The following LYRM4 variants were observed in gnomAD, a reference collection of about 807,000 sequenced individuals.
The protein encoded by LYRM4 is LYR motif-containing protein 4.
A neutral mutation model predicts 11.7 loss-of-function variants in LYRM4; 9 were observed. That is an observed-to-expected ratio of 0.77 (90% CI 0.46 to 1.34). LYRM4 has a LOEUF of 1.34. Ranked by LOEUF, LYRM4 falls within the 40% of genes most tolerant of loss-of-function variation. The pLI, the probability that LYRM4 is intolerant of heterozygous loss-of-function variation, is 0.00. For synonymous variants in LYRM4, 42 were observed against 40.4 expected (o/e 1.04, Z -0.15); for missense variants, 133 against 112.5 (o/e 1.18, Z -0.82).
At chr6:5,224,828 T>C (rs1762782533) in intron 1 of LYRM4, among the ~76,000 whole-genome samples, 1 of 150,562 alleles carries the variant, frequency 6.6e-6, no homozygotes, top group African/African-American at 2.5e-5. Flanking sequence ...GGCATGGTGA[T>C]GCATGCCTGT....
At chr6:5,245,113 A>C (rs2753225) in intron 1 of LYRM4, among the ~76,000 whole-genome samples, 2 of 24,130 alleles carry the variant, frequency 8.3e-5, no homozygotes, top group African/African-American at 1.9e-4. Flanking sequence ...AAAAAAAAAA[A>C]ATATATATAT....
the LYRM4 span, among the ~76,000 whole-genome samples, chr6:5,091,223 C>T: frequency 6.6e-6 from 1 of 152,254 alleles, no homozygotes; most frequent in Non-Finnish European, 1.5e-5. Flanking sequence ...GGGCTGGGAA[C>T]AGCTGACAAT....
the LYRM4 span, among the ~76,000 whole-genome samples, chr6:5,083,252 T>A: frequency 1.3e-5 from 2 of 152,244 alleles, no homozygotes; most frequent in South Asian, 4.1e-4. Flanking sequence ...TGAAGTCTTA[T>A]TTTATCTTTA....
intron 1 of LYRM4, among the ~76,000 whole-genome samples, chr6:5,228,212 T>C (rs1204256207): frequency 6.6e-6 from 1 of 152,114 alleles, no homozygotes; most frequent in Non-Finnish European, 1.5e-5. Context: ...AAAAACCCCC[T>C]AAATTCATGG....
downstream of LYRM4, among the ~76,000 whole-genome samples, chr6:5,101,964 C>CTTTCTTTTTTTTTTTTTTTTTTT (rs1561796310): frequency 5.5e-5 from 2 of 36,198 alleles, 1 homozygote; most frequent in Non-Finnish European, 1.4e-4. Context: ...CCAACTAATG[C>CTTTCTTTTTTTTTTTTTTTTTTT]TTTCTTTTTT....
intron 2 of LYRM4, among the ~76,000 whole-genome samples, chr6:5,208,484 T>C (rs7769559): frequency 0.055 from 8,384 of 152,328 alleles, 325 homozygotes; most frequent in Non-Finnish European, 0.082. Flanking sequence ...AAGTTTTCTA[T>C]ACACAGCATT....
chr6:5,037,759 C>T, the LYRM4 span, among the ~76,000 whole-genome samples: 4 of 55,156 alleles, frequency 7.3e-5, no homozygotes, highest in South Asian at 2.7e-3. Flanking sequence ...CCAGTAGGGG[C>T]GGCCGGGCAG....
chr6:5,118,094 A>ATATATATTTTTTTTTTTTTT, intron 2 of LYRM4, among the ~76,000 whole-genome samples: 3 of 86,126 alleles, frequency 3.5e-5, no homozygotes, highest in Admixed American at 1.2e-4. Context: ...ATATATATAT[A>ATATATATTTTTTTTTTTTTT]TTTTTGTTTT....
intron 2 of LYRM4, among the ~76,000 whole-genome samples, chr6:5,200,124 A>G (rs1761301731): frequency 6.6e-6 from 1 of 152,186 alleles, no homozygotes; most frequent in Non-Finnish European, 1.5e-5. Context: ...TGCTTGGGAA[A>G]ATGCCTGCTA....
intron 2 of LYRM4, among the ~76,000 whole-genome samples, chr6:5,200,641 TGTG>T (rs1379941374): frequency 6.6e-6 from 1 of 152,190 alleles, no homozygotes; most frequent in Non-Finnish European, 1.5e-5. Flanking sequence ...AGACTAGCCT[TGTG>T]GAGAACATGC....
rs922267150 is a variant in LYRM4 at position 5,109,565 on chromosome 6, C to T, written c.208-74G>A. On this transcript the variant is annotated intron_variant, in intron 2 of 2. Transcript: ENST00000330636. Reference sequence around the variant, plus strand: ...CTGGGAAAGGCCAGAAGGAACATTTCCTAACATTTCTAATACAAACGTCGG... The same window carrying T: ...CTGGGAAAGGCCAGAAGGAACATTTTCTAACATTTCTAATACAAACGTCGG... 19 of 1,450,280 alleles carry T rather than the reference C, an allele frequency of 1.3e-5. No individual in the cohort carries two copies. The African/African-American group carries it at 2.4e-4, about 18-fold the overall frequency. The allele number at this position is 1,450,280 out of a possible 1,614,324, so 89.8% of individuals were successfully genotyped here. A position where few individuals can be genotyped will look rare whatever the true frequency, so the allele number is the denominator to read the frequency against.
At chr6:5,206,476 G>A (rs929190516) in intron 2 of LYRM4, among the ~76,000 whole-genome samples, 6 of 152,198 alleles carry the variant, frequency 3.9e-5, no homozygotes, top group Admixed American at 6.5e-5. Context: ...TCTCAACAAG[G>A]CAGTTAAATT....
chr6:5,180,744 T>G (rs940911853), intron 2 of LYRM4, among the ~76,000 whole-genome samples: 1 of 152,216 alleles, frequency 6.6e-6, no homozygotes, highest in Non-Finnish European at 1.5e-5. Context: ...ATACCCTTGC[T>G]TCACCTAACT....
chr6:5,144,315 A>G, intron 2 of LYRM4: 1 of 1,534,010 alleles, frequency 6.5e-7, no homozygotes, highest in Non-Finnish European at 8.7e-7. Flanking sequence ...AGTTTGGACA[A>G]GAAAAAGAAG....
intron 1 of LYRM4, among the ~76,000 whole-genome samples, chr6:5,230,125 T>C (rs1763146653): frequency 6.6e-6 from 1 of 152,210 alleles, no homozygotes; most frequent in Non-Finnish European, 1.5e-5. Flanking sequence ...GCTCCTTTTT[T>C]GTTGGGTTTT....
At chr6:5,242,584 G>A (rs960594709) in intron 1 of LYRM4, among the ~76,000 whole-genome samples, 1 of 151,114 alleles carries the variant, frequency 6.6e-6, no homozygotes, top group East Asian at 2.1e-4. Context: ...GCCAGGTGTG[G>A]TGGCGTGCGC....
chr6:5,097,086 T>C, the LYRM4 span, among the ~76,000 whole-genome samples: 1 of 152,254 alleles, frequency 6.6e-6, no homozygotes, highest in Non-Finnish European at 1.5e-5. Flanking sequence ...TCATGTCTTA[T>C]AGTTATGGAG....
chr6:5,259,576 T>A (rs537941791), intron 1 of LYRM4, among the ~76,000 whole-genome samples: 9 of 151,480 alleles, frequency 5.9e-5, no homozygotes, highest in Admixed American at 3.3e-4. Context: ...TGACAGAGGT[T>A]GTACTGGGCA....
At chr6:5,171,579 A>C (rs538375746) in intron 2 of LYRM4, among the ~76,000 whole-genome samples, 2 of 152,352 alleles carry the variant, frequency 1.3e-5, no homozygotes, top group African/African-American at 4.8e-5. Context: ...AAGCAGAAAT[A>C]AATCAGGGAG....
Sources: gnomAD v4.1 joint callset for allele counts (sites outside exome capture counted in the v4.1 genomes callset) on GRCh38, gnomAD v4.1.1 for gene constraint, MANE v1.5 for transcripts, NCBI Gene and HGNC (gene_info 2026-07-23, HGNC 2026-07-21) for gene names.